CDH2: variants seen among roughly 807,000 people sequenced by gnomAD.
The protein encoded by CDH2 is cadherin 2, also known as cadherin-2.
Under a neutral mutation model 92.0 loss-of-function variants are expected in CDH2, and 17 were observed. The observed-to-expected ratio is 0.18, with a 90% CI of 0.13 to 0.28. CDH2 has a LOEUF of 0.28. Ranked by LOEUF, CDH2 falls within the 10% of genes least tolerant of loss-of-function variation. The pLI, the probability that CDH2 is intolerant of heterozygous loss-of-function variation, is 1.00. For synonymous variants in CDH2, 419 were observed against 415.9 expected (o/e 1.01, Z -0.09); for missense variants, 862 against 1,133.1 (o/e 0.76, Z 3.44).
chr18:27,984,755 A>G (rs2012169260), intron 13 of CDH2, among the ~76,000 whole-genome samples: 1 of 152,204 alleles, frequency 6.6e-6, no homozygotes, highest in Non-Finnish European at 1.5e-5. Context: ...AAGCATGAGA[A>G]AGGGTAAGAG....
downstream of CDH2, among the ~76,000 whole-genome samples, chr18:27,949,898 T>C (rs1270239828): frequency 6.6e-6 from 1 of 152,028 alleles, no homozygotes; most frequent in African/African-American, 2.4e-5. Flanking sequence ...ACACTAGATA[T>C]GGCCTGTGAA....
chr18:28,000,614 G>A (rs1285805179), intron 7 of CDH2, among the ~76,000 whole-genome samples: 1 of 152,136 alleles, frequency 6.6e-6, no homozygotes, highest in Non-Finnish European at 1.5e-5. Flanking sequence ...AAATGGACAT[G>A]AAATGGAAAG....
At chr18:28,049,550 CA>C (rs1428960453) in intron 2 of CDH2, among the ~76,000 whole-genome samples, 1 of 152,142 alleles carries the variant, frequency 6.6e-6, no homozygotes, top group Non-Finnish European at 1.5e-5. Context: ...ACCAGAGAAG[CA>C]ACAATGTGCT....
At chr18:28,053,866 C>T (rs1446605258) in intron 2 of CDH2, among the ~76,000 whole-genome samples, 7 of 152,100 alleles carry the variant, frequency 4.6e-5, no homozygotes, top group Non-Finnish European at 1.0e-4. Flanking sequence ...ACCACTGAAT[C>T]TTTTTTGAAG....
intron 15 of CDH2, among the ~76,000 whole-genome samples, chr18:27,958,201 C>T (rs891613624): frequency 6.6e-6 from 1 of 152,070 alleles, no homozygotes; most frequent in Non-Finnish European, 1.5e-5. Flanking sequence ...TAGATTTGAA[C>T]TTACACAAAT....
chr18:28,115,093 G>C (rs2015475087), intron 2 of CDH2, among the ~76,000 whole-genome samples: 1 of 152,138 alleles, frequency 6.6e-6, no homozygotes, highest in Admixed American at 6.6e-5. Flanking sequence ...TCAGTGGGCT[G>C]AGAACCTTGG....
intron 7 of CDH2, among the ~76,000 whole-genome samples, chr18:27,997,598 G>A (rs2012623171): frequency 6.6e-6 from 1 of 152,178 alleles, no homozygotes; most frequent in African/African-American, 2.4e-5. Context: ...ATTGCAGGTA[G>A]AGGGACAGCA....
At chr18:28,003,263 T>C in intron 6 of CDH2, 94 bp from the exon 7 acceptor site, 1 of 922,636 alleles carries the variant, frequency 1.1e-6, no homozygotes, top group Non-Finnish European at 1.6e-6. Flanking sequence ...TGTCTTATTT[T>C]CACTTTTTAA....
At chr18:27,936,008 G>C (rs187969484) in intron 6 of CDH2, among the ~76,000 whole-genome samples, 2 of 152,236 alleles carry the variant, frequency 1.3e-5, no homozygotes, top group East Asian at 3.9e-4. Context: ...AAACACAACT[G>C]TAATATTGAC....
At chr18:28,102,008 T>C (rs2015234672) in intron 2 of CDH2, among the ~76,000 whole-genome samples, 1 of 152,120 alleles carries the variant, frequency 6.6e-6, no homozygotes, top group Non-Finnish European at 1.5e-5. Context: ...ATGTGCTGGT[T>C]GAGAAGTTAA....
At chr18:27,943,599 GTGA>G (rs1349653605) in intron 6 of CDH2, among the ~76,000 whole-genome samples, 4 of 152,178 alleles carry the variant, frequency 2.6e-5, no homozygotes, top group Non-Finnish European at 5.9e-5. Context: ...TCTATAAGAC[GTGA>G]TGAAGTAATT....
intron 2 of CDH2, among the ~76,000 whole-genome samples, chr18:28,134,692 C>T (rs910477611): frequency 6.6e-6 from 1 of 152,134 alleles, no homozygotes; most frequent in African/African-American, 2.4e-5. Context: ...GCTTGGGGAA[C>T]AGAGCAAAAT....
intron 6 of CDH2, among the ~76,000 whole-genome samples, chr18:27,942,940 A>T (rs1265529592): frequency 3.3e-5 from 5 of 152,126 alleles, no homozygotes; most frequent in Non-Finnish European, 7.3e-5. Context: ...CTTAGTGAGT[A>T]TAATAAACCA....
chr18:28,016,868 T>C (rs2013263180), intron 2 of CDH2, among the ~76,000 whole-genome samples: 1 of 152,150 alleles, frequency 6.6e-6, no homozygotes, highest in South Asian at 2.1e-4. Flanking sequence ...TCTGTGTCTA[T>C]TGAGATGATC....
At chr18:28,111,668 G>T (rs1198065263) in intron 2 of CDH2, among the ~76,000 whole-genome samples, 2 of 152,098 alleles carry the variant, frequency 1.3e-5, no homozygotes, top group East Asian at 3.9e-4. Context: ...CAACCTCAAT[G>T]TCAGAGTGCC....
chr18:28,111,173 G>A (rs190092616), intron 2 of CDH2, among the ~76,000 whole-genome samples: 178 of 152,288 alleles, frequency 1.2e-3, no homozygotes, highest in African/African-American at 3.9e-3. Flanking sequence ...ATGCTGCCAG[G>A]GAAGAAAACA....
intron 3 of CDH2, 111 bp downstream of exon 3, chr18:28,013,572 A>T (rs2013156387): frequency 1.3e-6 from 1 of 753,152 alleles, no homozygotes; most frequent in Non-Finnish European, 2.3e-6. Context: ...AGTTGATACA[A>T]ATGCAAATAG....
At chr18:27,960,049 A>C (rs80308929) in intron 15 of CDH2, among the ~76,000 whole-genome samples, 5 of 63,232 alleles carry the variant, frequency 7.9e-5, no homozygotes, top group Non-Finnish European at 1.7e-4. Context: ...CACACACACA[A>C]ACACACACTC....
intron 6 of CDH2, among the ~76,000 whole-genome samples, chr18:27,943,479 G>C (rs1909191324): frequency 6.6e-6 from 1 of 152,192 alleles, no homozygotes; most frequent in South Asian, 2.1e-4. Context: ...TTACCAAAAA[G>C]CATCAACGTA....
Sources: allele counts gnomAD v4.1 joint callset (sites outside exome capture counted in the v4.1 genomes callset), GRCh38; gene constraint gnomAD v4.1.1; transcripts MANE v1.5; gene names NCBI Gene and HGNC (gene_info 2026-07-23, HGNC 2026-07-21).